The following RAPGEF1 variants were observed in gnomAD, a reference collection of about 807,000 sequenced individuals.
RAPGEF1 encodes CRK SH3-binding GNRP.
RAPGEF1 carries 33 observed loss-of-function variants against 143.3 expected under a neutral mutation model. The observed-to-expected ratio is 0.23, with a 90% CI of 0.17 to 0.31. The LOEUF (loss-of-function observed/expected upper bound fraction) is 0.31. RAPGEF1 is among the 10% of genes least tolerant of loss of function. The probability of loss-of-function intolerance (pLI) is 1.00; values close to 1 mark genes in which losing one functional copy is unlikely to be tolerated. For missense variants in RAPGEF1, 1,199 were observed against 1,645.4 expected (o/e 0.73, Z 4.69); for synonymous variants, 629 against 676.5 (o/e 0.93, Z 1.09).
intron 15 of RAPGEF1, among the ~76,000 whole-genome samples, chr9:131,599,447 A>C (rs1359250654): frequency 6.9e-6 from 1 of 145,676 alleles, no homozygotes; most frequent in East Asian, 2.0e-4. Context: ...TTGAGACAGA[A>C]TTTTAAAACA....
chr9:131,677,129 T>C (rs139436557), intron 1 of RAPGEF1, among the ~76,000 whole-genome samples: 1 of 152,260 alleles, frequency 6.6e-6, no homozygotes, highest in Admixed American at 6.5e-5. Context: ...TGCTAGGAAC[T>C]GGGGACACCA....
chr9:131,675,873 A>G lies in RAPGEF1; in HGVS notation c.62-24924T>C, dbSNP rs756646532. Among the ~76,000 whole-genome samples, 5 of 152,194 alleles carry G rather than the reference A, an allele frequency of 3.3e-5. No homozygotes were observed. The highest frequency in any genetic ancestry group is 7.3e-5 in the Non-Finnish European group (5 of 68,038). On this transcript the variant is annotated intron_variant, in intron 1 of 26. Coordinates refer to ENST00000683357, the MANE Select transcript of RAPGEF1 (RefSeq NM_001377935.1). This position sits in a 1 kb window ranked among gnomAD's most constrained non-coding sequence, Gnocchi z 4.6. ...CAAAGTCACAGCATGATTGGGAAAC[A>G]GCCTGAACTCGAACTGCTCAGTTTG...
chr9:131,638,614 G>A (rs1300005889), intron 5 of RAPGEF1, 21 bp downstream of exon 5: 1 of 1,613,644 alleles, frequency 6.2e-7, no homozygotes, highest in Non-Finnish European at 8.5e-7. Flanking sequence ...GACTGGGACT[G>A]TCTGGAACCT....
At chr9:131,684,018 T>A (rs1009205094) in intron 1 of RAPGEF1, among the ~76,000 whole-genome samples, 2 of 152,260 alleles carry the variant, frequency 1.3e-5, no homozygotes, top group Non-Finnish European at 2.9e-5. Flanking sequence ...TAATGAAATA[T>A]CTAATGCTAG....
intron 1 of RAPGEF1, among the ~76,000 whole-genome samples, chr9:131,676,460 C>T (rs1832375267): frequency 6.6e-6 from 1 of 152,224 alleles, no homozygotes; most frequent in South Asian, 2.1e-4. Flanking sequence ...GACACAACTG[C>T]CAAACAATGA....
At chr9:131,625,114 G>A (rs894261927) in intron 10 of RAPGEF1, among the ~76,000 whole-genome samples, 7 of 152,354 alleles carry the variant, frequency 4.6e-5, no homozygotes, top group South Asian at 4.1e-4. Context: ...TGTGTCAACT[G>A]AGGCCAGGGA....
chr9:131,594,490 C>CCGTGTGG (rs1441386486), intron 17 of RAPGEF1, among the ~76,000 whole-genome samples: 1 of 152,178 alleles, frequency 6.6e-6, no homozygotes, highest in East Asian at 1.9e-4. Context: ...CCTCTCCCTG[C>CCGTGTGG]CAAGCCCTGC....
At chr9:131,715,230 A>G (rs1359959460) in intron 1 of RAPGEF1, among the ~76,000 whole-genome samples, 1 of 152,220 alleles carries the variant, frequency 6.6e-6, no homozygotes, top group African/African-American at 2.4e-5. Context: ...GATAACATGC[A>G]CGAAGAATCA....
Position 131,722,875 on chromosome 9 carries a change from A to G in RAPGEF1, c.61+16895T>C, listed in dbSNP as rs1589105736. 2.6e-5 allele frequency among the ~76,000 whole-genome samples: 4 copies of G among 152,126 alleles called. No homozygotes were observed. In the Middle Eastern group the frequency reaches 0.01, roughly 388 times the overall value. ...AGCAAAACCCTATCTCTATTTAAAA[A>G]ACAAAACAAACAAACAAACAAAAAC... On this transcript the variant is annotated intron_variant, in intron 1 of 26. Transcript: ENST00000683357.
chr9:131,607,809 G>A (rs533228827), intron 12 of RAPGEF1, among the ~76,000 whole-genome samples: 14 of 152,258 alleles, frequency 9.2e-5, no homozygotes, highest in South Asian at 2.1e-4. Flanking sequence ...CGGCGCCCCC[G>A]TGTAAAGTCA....
At chr9:131,721,719 T>A (rs1199889031) in intron 1 of RAPGEF1, among the ~76,000 whole-genome samples, 1 of 151,098 alleles carries the variant, frequency 6.6e-6, no homozygotes, top group Non-Finnish European at 1.5e-5. Flanking sequence ...AAAAAAAAAA[T>A]GGATGGTTGT....
At chr9:131,657,009 C>T (rs534013809) in intron 1 of RAPGEF1, among the ~76,000 whole-genome samples, 1 of 152,324 alleles carries the variant, frequency 6.6e-6, no homozygotes, top group South Asian at 2.1e-4. Context: ...ACCTTCTCAA[C>T]GCTGGAAATC....
chr9:131,648,144 C>T (rs1970149226), intron 3 of RAPGEF1, among the ~76,000 whole-genome samples: 2 of 152,330 alleles, frequency 1.3e-5, no homozygotes, highest in South Asian at 4.1e-4. Flanking sequence ...AATCCCAGCA[C>T]TTTGAGAGGA....
intron 1 of RAPGEF1, among the ~76,000 whole-genome samples, chr9:131,708,098 A>G (rs1262076880): frequency 2.0e-5 from 3 of 152,260 alleles, no homozygotes; most frequent in Admixed American, 2.0e-4. Context: ...GGAACCTGAC[A>G]GTAAATTAGC....
chr9:131,622,116 A>C (rs1218263057), intron 10 of RAPGEF1, 118 bp from the exon 11 acceptor site: 16 of 964,398 alleles, frequency 1.7e-5, no homozygotes, highest in Non-Finnish European at 7.9e-6. Context: ...TCAGAGAGGG[A>C]CGAACAGACG....
chr9:131,691,784 T>C (rs1833798621), intron 1 of RAPGEF1, among the ~76,000 whole-genome samples: 2 of 152,198 alleles, frequency 1.3e-5, no homozygotes, highest in South Asian at 4.1e-4. Context: ...ATTAATTACA[T>C]GAGACAGAAT....
chr9:131,705,746 CG>C (rs1835005191), intron 1 of RAPGEF1, among the ~76,000 whole-genome samples: 1 of 152,152 alleles, frequency 6.6e-6, no homozygotes, highest in Admixed American at 6.5e-5. Context: ...GTCCCCTCAT[CG>C]GGTATGTGTC....
At chr9:131,726,859 A>C (rs1836709490) in intron 1 of RAPGEF1, among the ~76,000 whole-genome samples, 1 of 151,974 alleles carries the variant, frequency 6.6e-6, no homozygotes, top group African/African-American at 2.4e-5. Context: ...TTTAAATGAA[A>C]AGGGTGTGGT....
At chr9:131,607,951 G>A (rs1191553688) in intron 12 of RAPGEF1, among the ~76,000 whole-genome samples, 3 of 152,222 alleles carry the variant, frequency 2.0e-5, no homozygotes, top group African/African-American at 7.2e-5. Flanking sequence ...TGTTTAGCCG[G>A]TTTTAATTCA....
Sources: allele counts gnomAD v4.1 joint callset (sites outside exome capture counted in the v4.1 genomes callset), GRCh38; gene constraint gnomAD v4.1.1; non-coding constraint Gnocchi (gnomAD v3.1); transcripts MANE v1.5; gene names NCBI Gene and HGNC (gene_info 2026-07-23, HGNC 2026-07-21).